BACH2: variants seen among roughly 807,000 people sequenced by gnomAD.
BACH2 encodes the protein transcription regulator protein BACH2.
BACH2 carries 5 observed loss-of-function variants against 61.8 expected under a neutral mutation model. The ratio of observed to expected loss-of-function variants is 0.08; its 90% CI spans 0.04 to 0.17. The LOEUF is 0.17. Ranked by LOEUF, BACH2 falls within the 10% of genes least tolerant of loss-of-function variation. The pLI, the probability that BACH2 is intolerant of heterozygous loss-of-function variation, is 1.00. For synonymous variants in BACH2, 446 were observed against 440.1 expected, an observed-to-expected ratio of 1.01 and a Z score of -0.17; for missense variants, 824 against 1,091.1, an observed-to-expected ratio of 0.76 and a Z score of 3.45.
At chr6:89,990,644 C>T (rs888564376) in intron 6 of BACH2, among the ~76,000 whole-genome samples, 4 of 152,136 alleles carry the variant, frequency 2.6e-5, no homozygotes, top group African/African-American at 9.7e-5. Context: ...CCCACCGACC[C>T]CTCCAACCTC....
At chr6:89,967,283 T>C (rs978604177) in intron 6 of BACH2, among the ~76,000 whole-genome samples, 1 of 152,340 alleles carries the variant, frequency 6.6e-6, no homozygotes, top group Non-Finnish European at 1.5e-5. Flanking sequence ...GAAATAAAGA[T>C]ATCCAAACTT....
intron 1 of BACH2, among the ~76,000 whole-genome samples, chr6:90,292,978 C>T (rs1382424974): frequency 6.6e-6 from 1 of 152,216 alleles, no homozygotes; most frequent in Non-Finnish European, 1.5e-5. Context: ...TGCCACTCCA[C>T]ACTATGCCCT....
At chr6:90,072,063 C>A (rs115723130) in intron 5 of BACH2, among the ~76,000 whole-genome samples, 2,847 of 152,014 alleles carry the variant, frequency 0.019, 94 homozygotes, top group African/African-American at 0.065. Context: ...TAACTTCTAT[C>A]GAGAAAAAAA....
intron 3 of BACH2, among the ~76,000 whole-genome samples, chr6:90,236,231 T>C (rs1355536790): frequency 6.6e-6 from 1 of 152,252 alleles, no homozygotes; most frequent in Non-Finnish European, 1.5e-5. Flanking sequence ...GCTCAGTATT[T>C]GTTAAGCAAA....
chr6:90,119,122 T>C (rs780904983), intron 4 of BACH2, among the ~76,000 whole-genome samples: 2 of 152,254 alleles, frequency 1.3e-5, no homozygotes, highest in Non-Finnish European at 2.9e-5. Context: ...ATGAAGACTT[T>C]ATTTATATGC....
intron 4 of BACH2, among the ~76,000 whole-genome samples, chr6:90,133,856 A>T (rs1179910885): frequency 6.6e-6 from 1 of 151,986 alleles, no homozygotes; most frequent in Non-Finnish European, 1.5e-5. Context: ...TCATGTCCCT[A>T]CAAAGGACAT....
intron 6 of BACH2, among the ~76,000 whole-genome samples, chr6:89,965,957 G>C (rs1037473304): frequency 6.6e-6 from 1 of 152,120 alleles, no homozygotes; most frequent in Non-Finnish European, 1.5e-5. Context: ...AATAAATAGG[G>C]ACAAGCTGAA....
At chr6:90,114,984 A>C (rs188193547) in intron 4 of BACH2, among the ~76,000 whole-genome samples, 1 of 152,252 alleles carries the variant, frequency 6.6e-6, no homozygotes, top group East Asian at 1.9e-4. Context: ...AGATCTCTAC[A>C]ATAAGAATTA....
intron 6 of BACH2, among the ~76,000 whole-genome samples, chr6:89,975,740 T>C (rs934779012): frequency 6.6e-6 from 1 of 152,218 alleles, no homozygotes; most frequent in Non-Finnish European, 1.5e-5. Context: ...GAAATAAGGT[T>C]GCAGAGAAAA....
At chr6:90,041,849 G>C (rs1438418979) in intron 5 of BACH2, among the ~76,000 whole-genome samples, 1 of 151,906 alleles carries the variant, frequency 6.6e-6, no homozygotes, top group Non-Finnish European at 1.5e-5. Context: ...CAATTTTTCA[G>C]TTTTTGAATT....
chr6:90,100,307 C>T (rs901659099), intron 4 of BACH2, among the ~76,000 whole-genome samples: 1 of 152,120 alleles, frequency 6.6e-6, no homozygotes, highest in Non-Finnish European at 1.5e-5. Context: ...GAAGTGAAAT[C>T]GCTAGGTAGG....
intron 5 of BACH2, among the ~76,000 whole-genome samples, chr6:90,079,772 G>T (rs1562427353): frequency 6.6e-6 from 1 of 151,994 alleles, no homozygotes. Context: ...TATTCTAACC[G>T]CTACTTTTTC....
intron 2 of BACH2, among the ~76,000 whole-genome samples, chr6:90,255,006 C>T (rs1034634845): frequency 1.1e-4 from 17 of 152,280 alleles, no homozygotes; most frequent in African/African-American, 3.6e-4. Flanking sequence ...ACTTTTTCAA[C>T]ATCAGATGGG....
chr6:90,119,972 G>C (rs1783556911), intron 4 of BACH2, among the ~76,000 whole-genome samples: 1 of 152,248 alleles, frequency 6.6e-6, no homozygotes, highest in African/African-American at 2.4e-5. Flanking sequence ...CAAAGGACTA[G>C]GAGATTTTGA....
At chr6:89,939,568 C>A (rs1773271205) in intron 7 of BACH2, among the ~76,000 whole-genome samples, 1 of 151,322 alleles carries the variant, frequency 6.6e-6, no homozygotes, top group South Asian at 2.1e-4. Context: ...CAAATCAAGG[C>A]AAATAAGCAT....
At chr6:90,063,706 ATAC>A (rs777305266) in intron 5 of BACH2, among the ~76,000 whole-genome samples, 2 of 152,218 alleles carry the variant, frequency 1.3e-5, no homozygotes, top group Non-Finnish European at 2.9e-5. Flanking sequence ...TAAAATGGGA[ATAC>A]TACTACCCAC....
chr6:89,999,063 AT>A (rs1776997195), intron 6 of BACH2, among the ~76,000 whole-genome samples: 1 of 152,256 alleles, frequency 6.6e-6, no homozygotes. Flanking sequence ...AACTCTGAGT[AT>A]TTTGGTGTGG....
chr6:90,213,243 A>G (rs1168385880), intron 3 of BACH2, among the ~76,000 whole-genome samples: 2 of 152,248 alleles, frequency 1.3e-5, no homozygotes, highest in Admixed American at 6.5e-5. Context: ...AAGCAGGAAC[A>G]AGCCCCATGT....
At chr6:90,191,482 T>C (rs1321088711) in intron 4 of BACH2, among the ~76,000 whole-genome samples, 1 of 152,238 alleles carries the variant, frequency 6.6e-6, no homozygotes, top group Admixed American at 6.5e-5. Flanking sequence ...TTGTGTTTAG[T>C]TCATTGCAAA....
Sources: gnomAD v4.1 joint callset for allele counts (sites outside exome capture counted in the v4.1 genomes callset) on GRCh38, gnomAD v4.1.1 for gene constraint, MANE v1.5 for transcripts, NCBI Gene and HGNC (gene_info 2026-07-23, HGNC 2026-07-21) for gene names.